Variants in JMJD1C observed in about 807,000 individuals in gnomAD.
JMJD1C encodes the protein jumonji domain-containing protein 1C.
Under a neutral mutation model 245.3 loss-of-function variants are expected in JMJD1C, and 31 were observed. The ratio of observed to expected loss-of-function variants is 0.13; its 90% CI spans 0.09 to 0.17. The LOEUF is 0.17. JMJD1C is among the 10% of genes least tolerant of loss of function. JMJD1C has a pLI of 1.00. For missense variants in JMJD1C, 2,691 were observed against 3,000.2 expected, an observed-to-expected ratio of 0.90 and a Z score of 2.41; for synonymous variants, 1,057 against 1,017.4, an observed-to-expected ratio of 1.04 and a Z score of -0.74.
At chr10:63,334,106 C>G (rs1225797524) in intron 2 of JMJD1C, among the ~76,000 whole-genome samples, 2 of 152,122 alleles carry the variant, frequency 1.3e-5, no homozygotes, top group East Asian at 3.9e-4. Flanking sequence ...TAGATGCTGA[C>G]CCAAGAAGAG....
chr10:63,521,715 G>C (rs1248323514), intron 1 of JMJD1C: 2 of 476,554 alleles, frequency 4.2e-6, no homozygotes, highest in African/African-American at 2.0e-5. Context: ...CCGAGGGTCT[G>C]GGGGAGCCCT....
At chr10:63,212,837 T>C (rs1393407534) in intron 8 of JMJD1C, among the ~76,000 whole-genome samples, 1 of 151,084 alleles carries the variant, frequency 6.6e-6, no homozygotes, top group Non-Finnish European at 1.5e-5. Flanking sequence ...ATTTGTATTA[T>C]ATATATTATA....
chr10:63,303,030 C>T lies in JMJD1C; in HGVS notation c.334-38266G>A, dbSNP rs1273263657. The stretch of plus-strand genomic sequence containing the variant: ...TCTCCAGTATCTGGGACTACAGGCA[C>T]ACACCACCACACCCAGCTAGAAACT... On this transcript the variant is annotated intron_variant, in intron 2 of 25. Transcript: ENST00000399262. Among the ~76,000 whole-genome samples, 3 of 152,292 alleles carry T rather than the reference C, an allele frequency of 2.0e-5. No homozygotes were observed. The East Asian group carries it at 5.8e-4, about 29-fold the overall frequency.
chr10:63,465,711 G>A lies in JMJD1C; in HGVS notation c.-49C>T, dbSNP rs765208772. 24 of 1,594,582 alleles carry A rather than the reference G, an allele frequency of 1.5e-5. 1 individual carries two copies. Among genetic ancestry groups the A allele is most frequent in the Middle Eastern group, 3.3e-4 (2 of 6,080 alleles). ...CTGCCTCCTCCAGTGCGAGGGAACCGATGAAACCTCACTCCTACCGGCCGC... is the reference window on the plus strand; with the variant it reads ...CTGCCTCCTCCAGTGCGAGGGAACCAATGAAACCTCACTCCTACCGGCCGC... On this transcript the variant is annotated 5_prime_UTR_variant, in exon 1 of 26. Coordinates refer to ENST00000399262, the MANE Select transcript of JMJD1C (RefSeq NM_032776.3).
At chr10:63,287,016 G>A (rs1248952048) in intron 2 of JMJD1C, among the ~76,000 whole-genome samples, 1 of 152,112 alleles carries the variant, frequency 6.6e-6, no homozygotes, top group Non-Finnish European at 1.5e-5. Flanking sequence ...AAATTTATCA[G>A]CCCTGGCAAC....
chr10:63,477,081 T>C (rs906082639), intron 1 of JMJD1C, among the ~76,000 whole-genome samples: 50 of 152,202 alleles, frequency 3.3e-4, no homozygotes, highest in African/African-American at 8.9e-4. Context: ...ACTGAAGATC[T>C]AAATAAGTGG....
At chr10:63,315,657 T>G (rs1313808786) in intron 2 of JMJD1C, among the ~76,000 whole-genome samples, 1 of 151,654 alleles carries the variant, frequency 6.6e-6, no homozygotes, top group Non-Finnish European at 1.5e-5. Context: ...CTGGCCAACA[T>G]GGTGAAACCC....
At chr10:63,432,752 A>T (rs1950833547) in intron 1 of JMJD1C, among the ~76,000 whole-genome samples, 1 of 152,226 alleles carries the variant, frequency 6.6e-6, no homozygotes, top group South Asian at 2.1e-4. Flanking sequence ...TCATAATAAA[A>T]ACACAGAGAC....
intron 1 of JMJD1C, among the ~76,000 whole-genome samples, chr10:63,394,027 T>C (rs913305647): frequency 6.6e-6 from 1 of 151,682 alleles, no homozygotes. Flanking sequence ...CCATTAAAAA[T>C]ACAAAAAATT....
In JMJD1C at chr10:63,380,299, A is replaced by G. The variant is rs763747627; in HGVS notation, c.333+19T>C. 3 of 1,612,438 alleles carry G rather than the reference A, an allele frequency of 1.9e-6. No homozygotes were observed. In the South Asian group the frequency reaches 3.3e-5, roughly 18 times the overall value. On this transcript the variant is annotated intron_variant, in intron 2 of 25. Transcript: ENST00000399262. ...AACGAACAAATGAAAATGCTTAATG[A>G]AACAGGAATAGATCTTACCAATGCA...
chr10:63,307,124 G>T (rs1455683418), intron 2 of JMJD1C, among the ~76,000 whole-genome samples: 1 of 151,856 alleles, frequency 6.6e-6, no homozygotes, highest in Non-Finnish European at 1.5e-5. Flanking sequence ...ACAGTGGTTG[G>T]TGTCCACAAC....
upstream of JMJD1C, among the ~76,000 whole-genome samples, chr10:63,466,886 T>C (rs968254414): frequency 3.3e-5 from 5 of 152,230 alleles, no homozygotes; most frequent in African/African-American, 1.2e-4. Flanking sequence ...TTATTTGTTA[T>C]AAATCAAACC....
intron 8 of JMJD1C, among the ~76,000 whole-genome samples, chr10:63,210,191 C>A (rs1847156796): frequency 1.3e-5 from 2 of 152,064 alleles, no homozygotes; most frequent in Admixed American, 6.6e-5. Flanking sequence ...GGCCTCAGTT[C>A]TATAAGATCC....
intron 1 of JMJD1C, among the ~76,000 whole-genome samples, chr10:63,426,419 C>CA (rs936606764): frequency 8.6e-5 from 13 of 151,782 alleles, no homozygotes; most frequent in Middle Eastern, 3.2e-3. Context: ...TATAAAAAGA[C>CA]AATGACACTT....
chr10:63,240,564 G>A (rs1851357806), intron 3 of JMJD1C, among the ~76,000 whole-genome samples: 1 of 152,112 alleles, frequency 6.6e-6, no homozygotes, highest in Non-Finnish European at 1.5e-5. Context: ...AGATATTATT[G>A]GGAAGCAAGA....
At chr10:63,380,571 T>C (rs901658437) in intron 1 of JMJD1C, 89 bp from the exon 2 acceptor site, 11 of 989,168 alleles carry the variant, frequency 1.1e-5, no homozygotes, top group Non-Finnish European at 1.6e-5. Flanking sequence ...TACATATTTA[T>C]GGGGTACATA....
At chr10:63,464,357 ATAGG>A (rs1298291925) in intron 1 of JMJD1C, among the ~76,000 whole-genome samples, 1 of 152,218 alleles carries the variant, frequency 6.6e-6, no homozygotes. Context: ...AACTATTAAA[ATAGG>A]TAGGTAAAAA....
At chr10:63,249,373 G>A (rs776322830) in intron 3 of JMJD1C, among the ~76,000 whole-genome samples, 1 of 152,122 alleles carries the variant, frequency 6.6e-6, no homozygotes, top group African/African-American at 2.4e-5. Flanking sequence ...ACAGTAGATT[G>A]GTGGTTACCA....
chr10:63,295,889 A>G (rs1001133701), intron 2 of JMJD1C, among the ~76,000 whole-genome samples: 3 of 149,926 alleles, frequency 2.0e-5, no homozygotes, highest in East Asian at 1.9e-4. Context: ...ATATATATGT[A>G]TATATATATA....
Sources: allele counts gnomAD v4.1 joint callset (sites outside exome capture counted in the v4.1 genomes callset), GRCh38; gene constraint gnomAD v4.1.1; transcripts MANE v1.5; gene names NCBI Gene and HGNC (gene_info 2026-07-23, HGNC 2026-07-21).